TMCC1: variants seen among roughly 807,000 people sequenced by gnomAD.
The protein encoded by TMCC1 is transmembrane and coiled-coil domain family 1, also known as transmembrane and coiled-coil domains protein 1.
A neutral mutation model predicts 52.4 loss-of-function variants in TMCC1; 15 were observed. The observed-to-expected ratio is 0.29, with a 90% CI of 0.19 to 0.44. TMCC1 has a LOEUF of 0.44. TMCC1 is among the 20% of genes least tolerant of loss of function. TMCC1 has a pLI of 1.00. For synonymous variants in TMCC1, 279 were observed against 301.9 expected (o/e 0.92, Z 0.79); for missense variants, 503 against 806.0 (o/e 0.62, Z 4.55).
intron 2 of TMCC1, among the ~76,000 whole-genome samples, chr3:129,845,078 A>C (rs2059597466): frequency 6.6e-6 from 1 of 151,964 alleles, no homozygotes; most frequent in Non-Finnish European, 1.5e-5. Context: ...AGTCCCAGCT[A>C]CTCAGGAGGC....
At chr3:129,792,711 A>C (rs2056562239) in intron 4 of TMCC1, among the ~76,000 whole-genome samples, 1 of 152,154 alleles carries the variant, frequency 6.6e-6, no homozygotes, top group South Asian at 2.1e-4. Context: ...TAGACAACAA[A>C]TTTCCTTAGC....
intron 2 of TMCC1, among the ~76,000 whole-genome samples, chr3:129,841,634 C>G (rs970195902): frequency 6.6e-6 from 1 of 152,052 alleles, no homozygotes; most frequent in African/African-American, 2.4e-5. Flanking sequence ...TATGTGTTCA[C>G]AAAGAGATAG....
chr3:129,774,386 ATTCTAT>A (rs1232724176), intron 4 of TMCC1, among the ~76,000 whole-genome samples: 10 of 152,352 alleles, frequency 6.6e-5, no homozygotes, highest in African/African-American at 2.2e-4. Flanking sequence ...TGCTATGAAT[ATTCTAT>A]TAATATACTA....
intron 2 of TMCC1, among the ~76,000 whole-genome samples, chr3:129,878,685 C>A (rs2061334107): frequency 6.6e-6 from 1 of 152,186 alleles, no homozygotes; most frequent in Non-Finnish European, 1.5e-5. Context: ...CCAAACGCTC[C>A]AAAGACTTCC....
chr3:129,655,545 C>T (rs73863687), intron 5 of TMCC1, among the ~76,000 whole-genome samples: 2,345 of 152,220 alleles, frequency 0.015, 47 homozygotes, highest in African/African-American at 0.054. Flanking sequence ...CTCACTCACC[C>T]GGATGTTTGC....
chr3:129,666,419 TA>T (rs1432345613), intron 5 of TMCC1, among the ~76,000 whole-genome samples: 8 of 152,134 alleles, frequency 5.3e-5, no homozygotes, highest in Non-Finnish European at 7.4e-5. Context: ...CCAAAATGCT[TA>T]AAATGTGAAA....
intron 5 of TMCC1, among the ~76,000 whole-genome samples, chr3:129,661,286 C>A (rs1406329453): frequency 1.3e-5 from 2 of 152,090 alleles, no homozygotes; most frequent in South Asian, 4.1e-4. Context: ...ATTAGCTGGG[C>A]ATAGTGGCAT....
chr3:129,722,374 C>T (rs1170887582), intron 4 of TMCC1, among the ~76,000 whole-genome samples: 1 of 152,148 alleles, frequency 6.6e-6, no homozygotes, highest in East Asian at 1.9e-4. Flanking sequence ...GTTTCATCCC[C>T]AAACCATCCC....
At chr3:129,721,706 A>G (rs1416548863) in intron 4 of TMCC1, among the ~76,000 whole-genome samples, 1 of 103,196 alleles carries the variant, frequency 9.7e-6, no homozygotes, top group Non-Finnish European at 2.0e-5. Context: ...TAAAAATACA[A>G]AAAAAAAAAA....
intron 2 of TMCC1, chr3:129,847,544 A>G (rs1180692743): frequency 1.3e-5 from 2 of 152,226 alleles, no homozygotes; most frequent in African/African-American, 4.8e-5. Flanking sequence ...TCCATTGTAT[A>G]AATACACCAA....
chr3:129,804,003 C>T (rs914315974), intron 4 of TMCC1, among the ~76,000 whole-genome samples: 17 of 151,840 alleles, frequency 1.1e-4, no homozygotes, highest in Non-Finnish European at 1.5e-5. Flanking sequence ...TTTGCAATGC[C>T]CAGAGCACGT....
At chr3:129,695,694 G>A (rs2047367452) in intron 4 of TMCC1, among the ~76,000 whole-genome samples, 1 of 152,178 alleles carries the variant, frequency 6.6e-6, no homozygotes, top group African/African-American at 2.4e-5. Flanking sequence ...GGGATTATGG[G>A]AACTACAATT....
intron 4 of TMCC1, among the ~76,000 whole-genome samples, chr3:129,675,223 C>T (rs771263601): frequency 1.3e-5 from 2 of 152,170 alleles, no homozygotes; most frequent in Non-Finnish European, 2.9e-5. Context: ...GGCAGCACTG[C>T]AAAATAAGGA....
At chr3:129,675,274 A>C (rs1026669258) in intron 4 of TMCC1, among the ~76,000 whole-genome samples, 3 of 152,272 alleles carry the variant, frequency 2.0e-5, no homozygotes, top group African/African-American at 7.2e-5. Flanking sequence ...CAAATCCAAC[A>C]AACAAGATTG....
chr3:129,666,632 G>A (rs1332432820), intron 5 of TMCC1, among the ~76,000 whole-genome samples: 1 of 151,934 alleles, frequency 6.6e-6, no homozygotes, highest in Non-Finnish European at 1.5e-5. Flanking sequence ...CCCAGCTACT[G>A]GGGAGGCTAA....
chr3:129,889,193 C>A (rs1168957038), intron 1 of TMCC1, among the ~76,000 whole-genome samples: 1 of 152,046 alleles, frequency 6.6e-6, no homozygotes, highest in Non-Finnish European at 1.5e-5. Flanking sequence ...GATCACTTGA[C>A]CCCAGAGTGT....
intron 2 of TMCC1, among the ~76,000 whole-genome samples, chr3:129,872,900 T>C (rs959522606): frequency 1.3e-5 from 2 of 152,122 alleles, no homozygotes; most frequent in African/African-American, 4.8e-5. Context: ...TGATATATAT[T>C]TTGTCTACGC....
chr3:129,714,450 T>A (rs1237796718), intron 4 of TMCC1, among the ~76,000 whole-genome samples: 1 of 152,184 alleles, frequency 6.6e-6, no homozygotes, highest in Admixed American at 6.5e-5. Flanking sequence ...ATCATTTGTA[T>A]TTTTTTGATT....
intron 4 of TMCC1, among the ~76,000 whole-genome samples, chr3:129,734,995 G>A (rs926359348): frequency 2.0e-5 from 3 of 150,804 alleles, no homozygotes; most frequent in Non-Finnish European, 2.9e-5. Flanking sequence ...CTCCGTCTCC[G>A]GGTTCATGCT....
Sources: gnomAD v4.1 joint callset for allele counts (sites outside exome capture counted in the v4.1 genomes callset) on GRCh38, gnomAD v4.1.1 for gene constraint, MANE v1.5 for transcripts, NCBI Gene and HGNC (gene_info 2026-07-23, HGNC 2026-07-21) for gene names.